FSIP1: variants seen among roughly 807,000 people sequenced by gnomAD.
FSIP1 encodes fibrous sheath interacting protein 1.
A neutral mutation model predicts 60.9 loss-of-function variants in FSIP1; 65 were observed. The observed-to-expected ratio is 1.07, with a 90% CI of 0.87 to 1.31. The LOEUF (loss-of-function observed/expected upper bound fraction) is 1.31. Among genes scored for constraint, FSIP1 ranks in the 40% most tolerant of loss-of-function variants. FSIP1 has a pLI of 0.00. For missense variants in FSIP1, 675 were observed against 665.5 expected (o/e 1.01, Z -0.16); for synonymous variants, 209 against 221.2 (o/e 0.94, Z 0.49).
chr15:39,623,889 T>C (rs1476212432), intron 10 of FSIP1, among the ~76,000 whole-genome samples: 1 of 152,234 alleles, frequency 6.6e-6, no homozygotes, highest in Non-Finnish European at 1.5e-5. Flanking sequence ...CAGCTTTCTC[T>C]GCTTATTGAT....
chr15:39,636,745 C>A (rs1892155915), intron 10 of FSIP1, among the ~76,000 whole-genome samples: 1 of 152,212 alleles, frequency 6.6e-6, no homozygotes, highest in Admixed American at 6.5e-5. Context: ...TAGTTGACAA[C>A]TTGCATTACT....
intron 10 of FSIP1, among the ~76,000 whole-genome samples, chr15:39,709,662 G>A (rs988224044): frequency 6.7e-6 from 1 of 149,322 alleles, no homozygotes; most frequent in African/African-American, 2.6e-5. Flanking sequence ...AATAGGGGGA[G>A]GGGTGGGGGA....
chr15:39,615,142 A>G (rs1891176948), intron 11 of FSIP1, among the ~76,000 whole-genome samples: 1 of 152,238 alleles, frequency 6.6e-6, no homozygotes, highest in African/African-American at 2.4e-5. Flanking sequence ...AGACACAAAT[A>G]TAAGACCCAA....
chr15:39,687,140 T>TC (rs796803028), intron 10 of FSIP1, among the ~76,000 whole-genome samples: 1 of 122,120 alleles, frequency 8.2e-6, no homozygotes, highest in Non-Finnish European at 1.7e-5. Context: ...TCTTTTCCTT[T>TC]TTTTTTTTTT....
chr15:39,651,748 T>A (rs1285427061), intron 10 of FSIP1, among the ~76,000 whole-genome samples: 2 of 152,234 alleles, frequency 1.3e-5, no homozygotes, highest in Admixed American at 1.3e-4. Context: ...TCACTTCGAT[T>A]TGAAAGCCAA....
intron 10 of FSIP1, among the ~76,000 whole-genome samples, chr15:39,677,738 G>A (rs900843099): frequency 2.0e-5 from 3 of 152,072 alleles, no homozygotes; most frequent in Non-Finnish European, 2.9e-5. Flanking sequence ...ACGACCGGGC[G>A]TGGTGGCCCA....
At chr15:39,647,816 C>T (rs1016619191) in intron 10 of FSIP1, among the ~76,000 whole-genome samples, 25 of 151,992 alleles carry the variant, frequency 1.6e-4, no homozygotes, top group African/African-American at 4.6e-4. Context: ...ACAAAATCTA[C>T]TGCATAAGGA....
chr15:39,763,118 C>A (rs1461816741), intron 5 of FSIP1, among the ~76,000 whole-genome samples: 1 of 151,800 alleles, frequency 6.6e-6, no homozygotes, highest in Non-Finnish European at 1.5e-5. Flanking sequence ...TTTGTTTAAC[C>A]AATATTTTCT....
At chr15:39,628,345 G>T (rs1435294638) in intron 10 of FSIP1, among the ~76,000 whole-genome samples, 1 of 152,204 alleles carries the variant, frequency 6.6e-6, no homozygotes. Context: ...CAAGCATGAG[G>T]TATAAAAGAG....
chr15:39,612,886 A>G (rs554031432), intron 11 of FSIP1, among the ~76,000 whole-genome samples: 19 of 152,282 alleles, frequency 1.2e-4, no homozygotes, highest in African/African-American at 3.8e-4. Flanking sequence ...AAGTCTTAAT[A>G]TAAACGACCA....
At chr15:39,634,062 G>T (rs757866916) in intron 10 of FSIP1, among the ~76,000 whole-genome samples, 2 of 152,114 alleles carry the variant, frequency 1.3e-5, no homozygotes, top group African/African-American at 2.4e-5. Flanking sequence ...TGCTCCTCTT[G>T]ATGGCTGTCC....
intron 2 of FSIP1, among the ~76,000 whole-genome samples, chr15:39,773,563 G>T (rs1356400415): frequency 6.6e-6 from 1 of 152,170 alleles, no homozygotes; most frequent in African/African-American, 2.4e-5. Flanking sequence ...ATATCATGAA[G>T]TTGCTGCTTA....
chr15:39,658,350 A>C (rs1048600386), intron 10 of FSIP1, among the ~76,000 whole-genome samples: 1 of 150,076 alleles, frequency 6.7e-6, no homozygotes, highest in South Asian at 2.1e-4. Flanking sequence ...CCTGGGTTCA[A>C]GTAATTCTTC....
chr15:39,601,025 C>T (rs1890620313), intron 11 of FSIP1, 99 bp from the exon 12 acceptor site: 4 of 892,186 alleles, frequency 4.5e-6, no homozygotes, highest in East Asian at 5.1e-5. Flanking sequence ...TCCCTTTACA[C>T]ATGAGGCAAT....
intron 7 of FSIP1, 127 bp downstream of exon 7, chr15:39,739,538 C>T: frequency 1.2e-6 from 1 of 841,368 alleles, no homozygotes; most frequent in Admixed American, 2.9e-5. Flanking sequence ...TTCATTATAT[C>T]TACTAATTCA....
At chr15:39,660,368 G>T (rs1893251129) in intron 10 of FSIP1, among the ~76,000 whole-genome samples, 1 of 152,206 alleles carries the variant, frequency 6.6e-6, no homozygotes, top group African/African-American at 2.4e-5. Context: ...TTCAAATAAG[G>T]CTCAAGAAAG....
chr15:39,643,935 G>A (rs1266388672), intron 10 of FSIP1, among the ~76,000 whole-genome samples: 1 of 152,156 alleles, frequency 6.6e-6, no homozygotes, highest in East Asian at 1.9e-4. Context: ...CTAAGGAAGT[G>A]TGCCAACCAT....
At chr15:39,757,121 T>C (rs969073766) in intron 5 of FSIP1, among the ~76,000 whole-genome samples, 7 of 151,990 alleles carry the variant, frequency 4.6e-5, no homozygotes, top group East Asian at 1.9e-4. Flanking sequence ...CAAAAAATTA[T>C]ACAGGAAAAA....
At chr15:39,725,188 G>A (rs769773768) in intron 9 of FSIP1, among the ~76,000 whole-genome samples, 5 of 152,298 alleles carry the variant, frequency 3.3e-5, no homozygotes, top group Middle Eastern at 6.8e-3. Flanking sequence ...CCGAGATCGC[G>A]CCACTGAACT....
Sources: allele counts gnomAD v4.1 joint callset (sites outside exome capture counted in the v4.1 genomes callset), GRCh38; gene constraint gnomAD v4.1.1; transcripts MANE v1.5; gene names NCBI Gene and HGNC (gene_info 2026-07-23, HGNC 2026-07-21).